GALNT13: variants seen among roughly 807,000 people sequenced by gnomAD.
The protein encoded by GALNT13 is polypeptide N-acetylgalactosaminyltransferase 13, also known as UDP-GalNAc:polypeptide N-acetylgalactosaminyltransferase 13.
A neutral mutation model predicts 64.2 loss-of-function variants in GALNT13; 28 were observed. That is an observed-to-expected ratio of 0.44 (90% confidence interval 0.32 to 0.60). The LOEUF (loss-of-function observed/expected upper bound fraction) is 0.60, where lower values mean the gene tolerates loss of function less well. Ranked by LOEUF, GALNT13 falls within the 20% of genes least tolerant of loss-of-function variation. The pLI is 0.05. For synonymous variants in GALNT13, 214 were observed against 224.6 expected, an observed-to-expected ratio of 0.95 and a Z score of 0.42; for missense variants, 577 against 669.8, an observed-to-expected ratio of 0.86 and a Z score of 1.53.
At chr2:153,537,468 A>G in the GALNT13 span, among the ~76,000 whole-genome samples, 1 of 152,182 alleles carries the variant, frequency 6.6e-6, no homozygotes, top group Non-Finnish European at 1.5e-5. Flanking sequence ...GGTGGCTGAT[A>G]AATGCTGTTG....
At chr2:154,045,603 CAGG>C (rs1049571897) in intron 3 of GALNT13, among the ~76,000 whole-genome samples, 3 of 152,272 alleles carry the variant, frequency 2.0e-5, no homozygotes, top group African/African-American at 7.2e-5. Flanking sequence ...GTTTTTGCTT[CAGG>C]AGTAGATGGG....
At chr2:153,843,541 C>T in the GALNT13 span, among the ~76,000 whole-genome samples, 4 of 152,178 alleles carry the variant, frequency 2.6e-5, no homozygotes, top group African/African-American at 4.8e-5. Flanking sequence ...ATCCCTGCCC[C>T]TCCCCGCAAA....
chr2:153,223,735 G>A, the GALNT13 span, among the ~76,000 whole-genome samples: 2 of 152,126 alleles, frequency 1.3e-5, no homozygotes, highest in African/African-American at 4.8e-5. Flanking sequence ...GAAGCTGGGG[G>A]ATCACTTGAG....
At chr2:153,402,465 A>G in the GALNT13 span, among the ~76,000 whole-genome samples, 3 of 151,772 alleles carry the variant, frequency 2.0e-5, no homozygotes, top group African/African-American at 7.3e-5. Flanking sequence ...CTGAATCTGA[A>G]TGTTGGCCTG....
chr2:153,235,142 T>G, the GALNT13 span, among the ~76,000 whole-genome samples: 2 of 152,096 alleles, frequency 1.3e-5, no homozygotes, highest in African/African-American at 2.4e-5. Flanking sequence ...AACAGGTAGT[T>G]GCCCTCTGTC....
the GALNT13 span, among the ~76,000 whole-genome samples, chr2:153,703,683 GGTTTCTAT>G: frequency 2.0e-5 from 3 of 152,006 alleles, no homozygotes; most frequent in African/African-American, 7.2e-5. Context: ...TGCCTTGCCT[GGTTTCTAT>G]GTTTAGCCTT....
At chr2:153,780,427 T>C in the GALNT13 span, among the ~76,000 whole-genome samples, 1 of 152,092 alleles carries the variant, frequency 6.6e-6, no homozygotes, top group East Asian at 1.9e-4. Context: ...TCCTTGCTTA[T>C]GTCTAATCTC....
intron 11 of GALNT13, among the ~76,000 whole-genome samples, chr2:154,431,599 G>A (rs1417242001): frequency 1.3e-5 from 2 of 152,126 alleles, no homozygotes; most frequent in Admixed American, 6.5e-5. Flanking sequence ...GAAAAATCCA[G>A]AACAAACCAT....
intron 2 of GALNT13, among the ~76,000 whole-genome samples, chr2:153,906,838 C>T (rs1475017661): frequency 9.4e-5 from 14 of 149,540 alleles, no homozygotes; most frequent in Non-Finnish European, 1.3e-4. Context: ...TCCACAATGG[C>T]TGAACTAGTT....
chr2:153,574,742 G>T, the GALNT13 span, among the ~76,000 whole-genome samples: 1 of 149,130 alleles, frequency 6.7e-6, no homozygotes. Flanking sequence ...TTTGTCTGGT[G>T]GAATTCTGAA....
the GALNT13 span, among the ~76,000 whole-genome samples, chr2:153,427,198 A>G: frequency 2.6e-5 from 4 of 152,180 alleles, no homozygotes; most frequent in East Asian, 1.9e-4. Context: ...TCGTGTTGCT[A>G]TCATGGAAGC....
intron 9 of GALNT13, among the ~76,000 whole-genome samples, chr2:154,307,663 A>G (rs1023797536): frequency 1.3e-5 from 2 of 152,094 alleles, no homozygotes; most frequent in African/African-American, 4.8e-5. Context: ...TTAAGGATGC[A>G]AATACTATAT....
chr2:153,195,631 G>A, the GALNT13 span, among the ~76,000 whole-genome samples: 1 of 152,214 alleles, frequency 6.6e-6, no homozygotes, highest in Non-Finnish European at 1.5e-5. Context: ...GAGCTCCCAG[G>A]TCTGGGCACC....
chr2:154,142,509 A>G (rs1180701029), intron 4 of GALNT13, among the ~76,000 whole-genome samples: 1 of 137,308 alleles, frequency 7.3e-6, no homozygotes, highest in African/African-American at 2.8e-5. Flanking sequence ...AGATTTTGCC[A>G]TTGCACTCCA....
chr2:154,139,739 C>T (rs539756658), intron 3 of GALNT13, among the ~76,000 whole-genome samples: 57 of 151,902 alleles, frequency 3.8e-4, no homozygotes, highest in African/African-American at 1.4e-3. Context: ...GCCTATATAT[C>T]AAATCCTGCG....
At chr2:153,422,754 G>C in the GALNT13 span, among the ~76,000 whole-genome samples, 1 of 151,540 alleles carries the variant, frequency 6.6e-6, no homozygotes, top group Non-Finnish European at 1.5e-5. Flanking sequence ...TTACAGAATA[G>C]ATTCAAGAAT....
At chr2:153,184,181 AT>A in the GALNT13 span, among the ~76,000 whole-genome samples, 2 of 151,840 alleles carry the variant, frequency 1.3e-5, no homozygotes, top group East Asian at 3.9e-4. Flanking sequence ...TGAAGAAGTT[AT>A]TTACTTCCAT....
intron 3 of GALNT13, among the ~76,000 whole-genome samples, chr2:153,980,503 T>C: frequency 6.6e-6 from 1 of 151,984 alleles, no homozygotes. Flanking sequence ...GTAATAGGCA[T>C]AGTTTGGGAT....
chr2:154,429,447 T>G (rs2105444461), intron 11 of GALNT13, among the ~76,000 whole-genome samples: 1 of 152,304 alleles, frequency 6.6e-6, no homozygotes, highest in South Asian at 2.1e-4. Flanking sequence ...ACACCAAAAC[T>G]TCTTCCACAG....
Sources: allele counts gnomAD v4.1 joint callset (sites outside exome capture counted in the v4.1 genomes callset), GRCh38; gene constraint gnomAD v4.1.1; transcripts MANE v1.5; gene names NCBI Gene and HGNC (gene_info 2026-07-23, HGNC 2026-07-21).